The following ADAMTS14 variants were observed in gnomAD, a reference collection of about 807,000 sequenced individuals.
ADAMTS14 encodes the protein ADAM metallopeptidase with thrombospondin type 1 motif 14, also known as A disintegrin and metalloproteinase with thrombospondin motifs 14.
Under a neutral mutation model 128.6 loss-of-function variants are expected in ADAMTS14, and 100 were observed. The observed-to-expected ratio is 0.78, with a 90% CI of 0.66 to 0.92. ADAMTS14 has a LOEUF of 0.92. Ranked by LOEUF, ADAMTS14 falls within the 40% of genes least tolerant of loss-of-function variation. The pLI is 0.00. For missense variants in ADAMTS14, 1,562 were observed against 1,658.6 expected (o/e 0.94, Z 1.01); for synonymous variants, 665 against 653.8 (o/e 1.02, Z -0.26).
intron 3 of ADAMTS14, 68 bp downstream of exon 3, chr10:70,702,536 T>G: frequency 6.5e-7 from 1 of 1,534,404 alleles, no homozygotes; most frequent in South Asian, 1.3e-5. Context: ...CGGTCACTTC[T>G]GTCCTTAAGC....
intron 19 of ADAMTS14, 26 bp downstream of exon 19, chr10:70,754,033 G>A (rs1842423208): frequency 6.6e-7 from 1 of 1,513,014 alleles, no homozygotes; most frequent in African/African-American, 1.4e-5. Context: ...GAGGTGGGAG[G>A]GGCTTGGGGA....
chr10:70,734,152 C>T (rs912455304), intron 8 of ADAMTS14, 124 bp downstream of exon 8: 15 of 1,281,612 alleles, frequency 1.2e-5, no homozygotes, highest in African/African-American at 7.4e-5. Flanking sequence ...TGACTCATCT[C>T]GCCTCCCCGC....
chr10:70,714,316 G>T (rs1840951242), intron 4 of ADAMTS14, among the ~76,000 whole-genome samples: 1 of 152,190 alleles, frequency 6.6e-6, no homozygotes, highest in Non-Finnish European at 1.5e-5. Context: ...CCCTGTGAGA[G>T]GTCTGAGTAG....
At chr10:70,712,862 G>A (rs1314090325) in intron 4 of ADAMTS14, among the ~76,000 whole-genome samples, 3 of 152,164 alleles carry the variant, frequency 2.0e-5, no homozygotes, top group African/African-American at 2.4e-5. Context: ...CCTCATTCCC[G>A]GAACTAGCGG....
chr10:70,760,982 G>A lies in ADAMTS14; in HGVS notation c.*129G>A, dbSNP rs16927931. On this transcript the variant is annotated 3_prime_UTR_variant, in exon 22 of 22. Transcript: ENST00000373207. ...ATTTTAAATCATTCGCCTTCTTCTC[G>A]TTTGGGGCTGTGATGCTCTTTACCC... The A allele has an allele frequency of 0.041, 53,301 of 1,308,606 alleles. 1,309 individuals carry two copies. Among genetic ancestry groups the A allele is most frequent in the South Asian group, 0.078 (4,516 of 57,842 alleles). 81.1% of individuals were successfully genotyped at this position (1,308,606 alleles called of 1,614,324 possible).
intron 4 of ADAMTS14, among the ~76,000 whole-genome samples, chr10:70,717,879 G>A (rs1345399436): frequency 6.6e-6 from 1 of 152,138 alleles, no homozygotes; most frequent in African/African-American, 2.4e-5. Context: ...GGTGGTTGCC[G>A]GGACAACACT....
chr10:70,756,651 C>CT (rs1842485660), intron 19 of ADAMTS14, among the ~76,000 whole-genome samples: 1 of 152,278 alleles, frequency 6.6e-6, no homozygotes, highest in African/African-American at 2.4e-5. Flanking sequence ...ACTAGACAAG[C>CT]TTTTGGGAGC....
In ADAMTS14 at chr10:70,762,187, C is replaced by T. The variant is rs1409388254; in HGVS notation, c.*1334C>T. The stretch of plus-strand genomic sequence containing the variant: ...AGGTGCTTCTCACTTCTTCCTTCCC[C>T]AAGGCAAAGGGGCTGTTCTGAGCCA... On this transcript the variant is annotated 3_prime_UTR_variant, in exon 22 of 22. Coordinates refer to ENST00000373207, the MANE Select transcript of ADAMTS14 (RefSeq NM_080722.4). The T allele has an allele frequency of 6.6e-6, 1 of 152,636 alleles. No homozygotes were observed. Among genetic ancestry groups the T allele is most frequent in the African/African-American group, 2.4e-5 (1 of 41,446 alleles). 9.5% of individuals were successfully genotyped at this position (152,636 alleles called of 1,614,324 possible).
Position 70,705,119 on chromosome 10 carries a change from A to G in ADAMTS14, c.679+2651A>G, listed in dbSNP as rs141812777. On this transcript the variant is annotated intron_variant, in intron 3 of 21. Transcript: ENST00000373207. ...CATGAATGAGCCCCAGAGAAGAGTTAGGTGATCCTTTCCCAAGGCTTTGGT... is the reference window on the plus strand; with the variant it reads ...CATGAATGAGCCCCAGAGAAGAGTTGGGTGATCCTTTCCCAAGGCTTTGGT... Among the ~76,000 whole-genome samples, 202 of 152,336 alleles carry G rather than the reference A, an allele frequency of 1.3e-3. 1 individual carries two copies. The highest frequency in any genetic ancestry group is 4.4e-3 in the African/African-American group (183 of 41,566).
intron 2 of ADAMTS14, among the ~76,000 whole-genome samples, chr10:70,689,146 C>T (rs1410102417): frequency 1.4e-5 from 2 of 142,558 alleles, no homozygotes; most frequent in East Asian, 2.0e-4. Context: ...CTTCAAAATT[C>T]ATAGTCCCCG....
chr10:70,745,398 T>A, intron 15 of ADAMTS14, 92 bp downstream of exon 15: 1 of 1,338,588 alleles, frequency 7.5e-7, no homozygotes, highest in Non-Finnish European at 1.1e-6. Flanking sequence ...AAGATTCTAG[T>A]ACAAGTGGAA....
chr10:70,684,145 G>A (rs75271214), intron 2 of ADAMTS14, among the ~76,000 whole-genome samples: 1,896 of 152,020 alleles, frequency 0.012, 42 homozygotes, highest in African/African-American at 0.043. Flanking sequence ...GAGCAAGATA[G>A]AGAGCAGGGG....
chr10:70,736,503 G>C (rs1286323846), intron 9 of ADAMTS14, among the ~76,000 whole-genome samples, 177 bp from the exon 10 acceptor site: 1 of 152,184 alleles, frequency 6.6e-6, no homozygotes, highest in East Asian at 1.9e-4. Flanking sequence ...AGGGGTCCCT[G>C]GAGGCTGCCG....
chr10:70,735,021 C>T, intron 8 of ADAMTS14, 148 bp from the exon 9 acceptor site: 1 of 1,009,310 alleles, frequency 9.9e-7, no homozygotes. Context: ...CAAGGCAGCC[C>T]GTCCTCCCTG....
At chr10:70,729,765 G>T (rs1589308208) in intron 5 of ADAMTS14, among the ~76,000 whole-genome samples, 1 of 152,144 alleles carries the variant, frequency 6.6e-6, no homozygotes, top group East Asian at 1.9e-4. Context: ...TCCTGTAAGG[G>T]CTATTGTGAA....
chr10:70,730,832 A>G (rs1841612909), intron 6 of ADAMTS14, among the ~76,000 whole-genome samples: 1 of 152,178 alleles, frequency 6.6e-6, no homozygotes, highest in South Asian at 2.1e-4. Flanking sequence ...ATACTCTGCA[A>G]ACATGCAGCT....
intron 4 of ADAMTS14, among the ~76,000 whole-genome samples, chr10:70,728,179 G>A (rs966648250): frequency 3.3e-5 from 5 of 151,924 alleles, no homozygotes; most frequent in Non-Finnish European, 5.9e-5. Flanking sequence ...ATAAGCCACC[G>A]TGCCTATGCC....
intron 4 of ADAMTS14, among the ~76,000 whole-genome samples, chr10:70,728,594 G>T (rs983622398): frequency 3.9e-5 from 6 of 152,240 alleles, no homozygotes; most frequent in African/African-American, 1.4e-4. Flanking sequence ...AGTGCAAAGG[G>T]CTGCATTCTT....
In ADAMTS14 at chr10:70,743,652, T is replaced by C. The variant is rs111881698; in HGVS notation, c.2029T>C (p.Tyr677His). 19 of 1,608,352 alleles carry C rather than the reference T, an allele frequency of 1.2e-5. No homozygotes were observed. The East Asian group carries it at 2.2e-4, about 19-fold the overall frequency. ...GACACGCTGCAGCTACCGGGACCCA[T>C]ACAGCGTCTGTGCGCGTGGCGAGTG... ...DGTRCSYRDP[Y>H]SVCARGECVP... The change falls in exon 13 of 22, where the codon TAC becomes CAC. Residue 677 changes from tyrosine to histidine, a missense_variant. By Grantham distance (83) the Tyr-to-His change is moderately conservative. Transcript: ENST00000373207.
Sources: allele counts gnomAD v4.1 joint callset (sites outside exome capture counted in the v4.1 genomes callset), GRCh38; gene constraint gnomAD v4.1.1; transcripts MANE v1.5; gene names NCBI Gene and HGNC (gene_info 2026-07-23, HGNC 2026-07-21).